The following SCLT1 variants were observed in gnomAD, a reference collection of about 807,000 sequenced individuals.
SCLT1 encodes sodium channel and clathrin linker 1.
A neutral mutation model predicts 112.8 loss-of-function variants in SCLT1; 78 were observed. The ratio of observed to expected loss-of-function variants is 0.69; its 90% CI spans 0.58 to 0.83. The LOEUF (loss-of-function observed/expected upper bound fraction) is 0.83, where lower values mean the gene tolerates loss of function less well. Ranked by LOEUF, SCLT1 falls within the 40% of genes least tolerant of loss-of-function variation. The pLI is 0.00. For synonymous variants in SCLT1, 257 were observed against 254.7 expected (o/e 1.01, Z -0.09); for missense variants, 747 against 770.4 (o/e 0.97, Z 0.36).
intron 18 of SCLT1, among the ~76,000 whole-genome samples, chr4:128,920,639 A>C (rs1224693509): frequency 6.6e-6 from 1 of 152,178 alleles, no homozygotes; most frequent in Non-Finnish European, 1.5e-5. Flanking sequence ...CCCTCAACAA[A>C]CTAGGCATTG....
At chr4:128,979,643 T>C (rs144018407) in intron 9 of SCLT1, among the ~76,000 whole-genome samples, 1 of 152,318 alleles carries the variant, frequency 6.6e-6, no homozygotes, top group African/African-American at 2.4e-5. Flanking sequence ...AAACTAGAGC[T>C]GACTTCAAAG....
chr4:128,902,555 C>T (rs927861691), intron 18 of SCLT1, among the ~76,000 whole-genome samples: 1 of 152,026 alleles, frequency 6.6e-6, no homozygotes, highest in African/African-American at 2.4e-5. Flanking sequence ...AAAAATGGTA[C>T]ATCTGTATAG....
At chr4:128,896,196 T>A (rs944182946) in intron 18 of SCLT1, among the ~76,000 whole-genome samples, 1 of 152,210 alleles carries the variant, frequency 6.6e-6, no homozygotes, top group Non-Finnish European at 1.5e-5. Flanking sequence ...GTAGTGGTTC[T>A]CCCAGCACGC....
At chr4:129,076,896 C>A (rs1247749890) in intron 2 of SCLT1, among the ~76,000 whole-genome samples, 1 of 151,726 alleles carries the variant, frequency 6.6e-6, no homozygotes, top group African/African-American at 2.4e-5. Context: ...AATCAAGAAA[C>A]CAGCTATTTA....
At chr4:128,881,545 A>G (rs1047072810), downstream of SCLT1, among the ~76,000 whole-genome samples, 8 of 152,226 alleles carry the variant, frequency 5.3e-5, no homozygotes, top group Non-Finnish European at 5.9e-5. Context: ...ATATTTGTAT[A>G]CAAAGGGAAG....
intron 18 of SCLT1, among the ~76,000 whole-genome samples, chr4:128,925,249 CT>C (rs1322770074): frequency 6.6e-6 from 1 of 152,102 alleles, no homozygotes; most frequent in Non-Finnish European, 1.5e-5. Flanking sequence ...TAAATGTTCG[CT>C]GTTTTAAGTC....
chr4:128,965,829 C>CTT (rs34253075), intron 10 of SCLT1, among the ~76,000 whole-genome samples: 104 of 123,842 alleles, frequency 8.4e-4, no homozygotes, highest in South Asian at 2.9e-3. Context: ...GATGCCATAA[C>CTT]TTTTTTTTTT....
At chr4:128,981,297 C>T (rs1037824949) in intron 9 of SCLT1, among the ~76,000 whole-genome samples, 1 of 152,150 alleles carries the variant, frequency 6.6e-6, no homozygotes, top group Non-Finnish European at 1.5e-5. Flanking sequence ...GTTTAAATAG[C>T]CCTTCCCAAA....
chr4:129,088,668 G>A (rs975832360), intron 1 of SCLT1, among the ~76,000 whole-genome samples: 1 of 152,220 alleles, frequency 6.6e-6, no homozygotes, highest in South Asian at 2.1e-4. Context: ...AGGCTGCAGA[G>A]CAGAATATTA....
chr4:129,028,352 G>A (rs1469377717), intron 5 of SCLT1, among the ~76,000 whole-genome samples: 1 of 152,110 alleles, frequency 6.6e-6, no homozygotes, highest in African/African-American at 2.4e-5. Context: ...GAACAGAACA[G>A]AGCCCTCAGA....
chr4:128,880,380 T>C (rs1732613651), downstream of SCLT1, among the ~76,000 whole-genome samples: 1 of 152,174 alleles, frequency 6.6e-6, no homozygotes, highest in Admixed American at 6.6e-5. Flanking sequence ...CTAGCATTCA[T>C]TGTAAATCAA....
At chr4:128,965,634 C>G (rs188682583) in intron 10 of SCLT1, among the ~76,000 whole-genome samples, 1 of 152,176 alleles carries the variant, frequency 6.6e-6, no homozygotes, top group East Asian at 1.9e-4. Context: ...GATAATGTGC[C>G]TTTAGAATAT....
intron 9 of SCLT1, among the ~76,000 whole-genome samples, chr4:128,987,231 T>C (rs1020946579): frequency 9.2e-5 from 14 of 152,066 alleles, no homozygotes; most frequent in African/African-American, 3.4e-4. Context: ...GAAGGAAGAA[T>C]ACAAACAAGC....
At chr4:128,973,683 A>G (rs1377272339) in intron 9 of SCLT1, among the ~76,000 whole-genome samples, 1 of 152,162 alleles carries the variant, frequency 6.6e-6, no homozygotes, top group East Asian at 1.9e-4. Flanking sequence ...CTTTGAAATG[A>G]AATCTCCTGC....
At chr4:129,009,546 T>G (rs968651334) in intron 5 of SCLT1, among the ~76,000 whole-genome samples, 6 of 151,664 alleles carry the variant, frequency 4.0e-5, no homozygotes, top group Admixed American at 1.3e-4. Flanking sequence ...GAATCCAAAC[T>G]GCTTTCCACT....
chr4:128,969,254 T>C (rs1740467749), intron 10 of SCLT1, among the ~76,000 whole-genome samples: 1 of 152,134 alleles, frequency 6.6e-6, no homozygotes, highest in Non-Finnish European at 1.5e-5. Flanking sequence ...TGTGTTTCTC[T>C]TGCTGCCAGT....
At chr4:128,951,378 T>A (rs1738720614) in intron 14 of SCLT1, among the ~76,000 whole-genome samples, 1 of 152,178 alleles carries the variant, frequency 6.6e-6, no homozygotes, top group South Asian at 2.1e-4. Flanking sequence ...GAAAAATCAC[T>A]TAGCTATGAA....
chr4:128,887,456 T>G (rs1427797306), intron 20 of SCLT1, among the ~76,000 whole-genome samples: 1 of 152,004 alleles, frequency 6.6e-6, no homozygotes, highest in Admixed American at 6.6e-5. Context: ...GCAAGCAGAG[T>G]GGCTTTACTA....
intron 5 of SCLT1, among the ~76,000 whole-genome samples, chr4:129,019,767 C>G (rs983403026): frequency 6.6e-6 from 1 of 151,958 alleles, no homozygotes; most frequent in East Asian, 1.9e-4. Flanking sequence ...GTGAAAATAG[C>G]CACACCACTG....
Sources: allele counts gnomAD v4.1 joint callset (sites outside exome capture counted in the v4.1 genomes callset), GRCh38; gene constraint gnomAD v4.1.1; transcripts MANE v1.5; gene names NCBI Gene and HGNC (gene_info 2026-07-23, HGNC 2026-07-21).